The following TEAD2 variants were observed in gnomAD, a reference collection of about 807,000 sequenced individuals.
TEAD2 encodes the protein TEA domain transcription factor 2.
In TEAD2, 51 loss-of-function variants were observed where a neutral mutation model predicts 61.4. That is an observed-to-expected ratio of 0.83 (90% CI 0.66 to 1.05). The LOEUF (loss-of-function observed/expected upper bound fraction) is 1.05, where lower values mean the gene tolerates loss of function less well. Ranked by LOEUF, TEAD2 falls within the 50% of genes least tolerant of loss-of-function variation. TEAD2 has a pLI of 0.00. For synonymous variants in TEAD2, 244 were observed against 243.2 expected (o/e 1.00, Z -0.03); for missense variants, 509 against 600.0 (o/e 0.85, Z 1.58).
chr19:49,343,485 A>T (rs894875198), intron 10 of TEAD2, 87 bp from the exon 11 acceptor site: 24 of 1,451,274 alleles, frequency 1.7e-5, no homozygotes, highest in African/African-American at 4.3e-5. Flanking sequence ...CACACCTGTA[A>T]TCCCAGTACT....
chr19:49,346,165 C>CAA (rs10684078), intron 10 of TEAD2, among the ~76,000 whole-genome samples: 12 of 44,360 alleles, frequency 2.7e-4, no homozygotes, highest in Admixed American at 5.1e-4. Context: ...AATTCCATCT[C>CAA]AAAAAAAAAA....
In TEAD2 at chr19:49,348,831, G is replaced by T; in HGVS notation, c.619C>A (p.Gln207Lys). 1 of 1,572,366 alleles carries T rather than the reference G, an allele frequency of 6.4e-7. No individual in the cohort carries two copies. The highest frequency in any genetic ancestry group is 2.3e-5 in the East Asian group (1 of 44,114). ...GGTGGGGGCAGGGGTGAGAGGGCTT[G>T]GGGGGGCTCGTACCCTAGAGAGAGA... Reference protein sequence around the residue: ...STDLPGYEPPQALSPLPPPTP... With the variant: ...STDLPGYEPPKALSPLPPPTP... The change falls in exon 9 of 13, where the codon CAA (glutamine) becomes AAA (lysine). Residue 207 changes from glutamine (Q) to lysine (K), a missense_variant. Physicochemically the swap from Gln to Lys is moderately conservative, Grantham distance 53. Transcript: ENST00000593945.
chr19:49,358,416 A>C lies in TEAD2; in HGVS notation c.297+1019T>G, dbSNP rs570933560. On this transcript the variant is annotated intron_variant, in intron 3 of 12. Coordinates refer to ENST00000593945, the MANE Select transcript of TEAD2 (RefSeq NM_001256660.2). ...GGAGACACAGTGACTTTTCTCTCAAAAACAACAACAACAAAAAGATCTGGG... is the reference window on the plus strand; with the variant it reads ...GGAGACACAGTGACTTTTCTCTCAACAACAACAACAACAAAAAGATCTGGG... Among the ~76,000 whole-genome samples, 35 of 152,138 alleles carry C rather than the reference A, an allele frequency of 2.3e-4. No homozygotes were observed. In the East Asian group the frequency reaches 6.4e-3, roughly 28 times the overall value.
chr19:49,360,621 GGT>G lies in TEAD2; in HGVS notation c.-6-542_-6-541del, dbSNP rs1031688856. On this transcript the variant is annotated intron_variant, in intron 1 of 12. Coordinates refer to ENST00000593945, the MANE Select transcript of TEAD2 (RefSeq NM_001256660.2). ...GCAAAAGTTAGTGGTGGGGAAGGAA[GGT>G]GTGGGTGAAACTTCCCCTGTCCCAC... Among the ~76,000 whole-genome samples the G allele has an allele frequency of 3.4e-4, 51 of 152,154 alleles. 1 individual carries two copies. The East Asian group carries it at 9.7e-3, about 29-fold the overall frequency.
intron 1 of TEAD2, among the ~76,000 whole-genome samples, chr19:49,360,757 G>A (rs1227081777): frequency 9.0e-5 from 10 of 110,936 alleles, no homozygotes; most frequent in African/African-American, 1.7e-4. Flanking sequence ...AGAGAGGGAG[G>A]GGGACAGAGA....
chr19:49,349,882 A>C (rs1318124864), intron 8 of TEAD2, among the ~76,000 whole-genome samples: 1 of 152,222 alleles, frequency 6.6e-6, no homozygotes, highest in East Asian at 1.9e-4. Context: ...TTGGGACAAT[A>C]AGACAGACAT....
At position 49,359,037 on chromosome 19, in the gene TEAD2, G is replaced by A. The variant is rs568683034; in HGVS notation, c.297+398C>T. Among the ~76,000 whole-genome samples the A allele has an allele frequency of 3.3e-5, 5 of 151,764 alleles. No homozygotes were observed. The highest frequency in any genetic ancestry group is 4.2e-4 in the South Asian group (2 of 4,758). On this transcript the variant is annotated intron_variant, in intron 3 of 12. Transcript: ENST00000593945. This position sits in a 1 kb window ranked among gnomAD's most constrained non-coding sequence, Gnocchi z 4.1. ...GTGGATCACCTGAGGTCAGGAGTTC[G>A]AGACCAGCCTGGACAACATGGTGAA...
At position 49,343,650 on chromosome 19, in the gene TEAD2, A is replaced by G. The variant is rs532818028; in HGVS notation, c.922-252T>C. On this transcript the variant is annotated intron_variant, in intron 10 of 12. Transcript: ENST00000593945. ...GCTACTGGGACACTGACGCAGGAGA[A>G]TCACTTGAACCCGGGAGGCAGAGGT... 9.5e-4 allele frequency among the ~76,000 whole-genome samples: 144 copies of G among 151,828 alleles called. 2 individuals carry two copies. The highest frequency in any genetic ancestry group is 3.3e-3 in the African/African-American group (138 of 41,426).
At chr19:49,346,989 A>G (rs878979257) in intron 10 of TEAD2, among the ~76,000 whole-genome samples, 1 of 152,222 alleles carries the variant, frequency 6.6e-6, no homozygotes, top group Non-Finnish European at 1.5e-5. Flanking sequence ...AGGGAGGCCC[A>G]GACACCTCCA....
chr19:49,355,197 G>A lies in TEAD2; in HGVS notation c.490C>T (p.Leu164Phe). The A allele has an allele frequency of 6.2e-7, 1 of 1,613,034 alleles. No individual in the cohort carries two copies. Among genetic ancestry groups the A allele is most frequent in the Non-Finnish European group, 8.5e-7 (1 of 1,179,476 alleles). Reference sequence around the variant, plus strand: ...GATCCTCCAGACCAAAACTGGAAAAGCTCAGAGGCCTGGATAGGACACAAA... The same window carrying A: ...GATCCTCCAGACCAAAACTGGAAAAACTCAGAGGCCTGGATAGGACACAAA... The part of the protein sequence containing the change: ...LGPTGPQASE[L>F]FQFWSGGSGP... The change falls in exon 7 of 13, where the codon CTT becomes TTT. Residue 164 changes from leucine to phenylalanine, a missense_variant. Leu to Phe is a conservative substitution (Grantham distance 22). Coordinates refer to ENST00000593945, the MANE Select transcript of TEAD2 (RefSeq NM_001256660.2).
chr19:49,358,439 G>C (rs951617044), intron 3 of TEAD2, among the ~76,000 whole-genome samples: 1 of 151,866 alleles, frequency 6.6e-6, no homozygotes, highest in Non-Finnish European at 1.5e-5. Context: ...AAAAAGATCT[G>C]GGTGTTTAAA....
At chr19:49,351,848 T>C (rs914429678) in intron 7 of TEAD2, among the ~76,000 whole-genome samples, 2 of 151,562 alleles carry the variant, frequency 1.3e-5, no homozygotes, top group African/African-American at 2.4e-5. Context: ...TAGCAGAGTG[T>C]GGTGGTGCGC....
chr19:49,358,774 G>A (rs1443799516), intron 3 of TEAD2, among the ~76,000 whole-genome samples: 1 of 151,252 alleles, frequency 6.6e-6, no homozygotes, highest in African/African-American at 2.4e-5. Context: ...CTGGGATTAT[G>A]GGCACACACT....
rs186832262 is a variant in TEAD2 at position 49,354,953 on chromosome 19, G to C, written c.539+195C>G. Among the ~76,000 whole-genome samples, 43 of 152,252 alleles carry C rather than the reference G, an allele frequency of 2.8e-4. 1 individual carries two copies. The highest frequency in any genetic ancestry group is 1.0e-3 in the African/African-American group (43 of 41,546). On this transcript the variant is annotated intron_variant, in intron 7 of 12. Transcript: ENST00000593945. ...GCGGAGGTTGCAGTGAGCCGAGATC[G>C]CACCACTGTACTCCATCCAGCCTGG...
intron 4 of TEAD2, chr19:49,356,270 A>T: frequency 3.5e-6 from 1 of 289,136 alleles, no homozygotes; most frequent in Non-Finnish European, 6.4e-6. Context: ...AGACAAGGTA[A>T]ATGTTTCCTA....
chr19:49,349,095 C>G, intron 8 of TEAD2: 2 of 382,904 alleles, frequency 5.2e-6, no homozygotes, highest in Non-Finnish European at 9.2e-6. Context: ...GAGGAGAAAG[C>G]TTTTGGCCCT....
At chr19:49,343,856 G>T (rs753520010) in intron 10 of TEAD2, among the ~76,000 whole-genome samples, 39 of 95,318 alleles carry the variant, frequency 4.1e-4, no homozygotes, top group African/African-American at 9.1e-4. Flanking sequence ...CTTTTTTTTT[G>T]GGGGGGGGGG....
intron 7 of TEAD2, among the ~76,000 whole-genome samples, chr19:49,352,264 C>T (rs1160760142): frequency 4.6e-5 from 7 of 152,160 alleles, no homozygotes; most frequent in Non-Finnish European, 8.8e-5. Flanking sequence ...CCACAGACCA[C>T]GTGGCCACTG....
chr19:49,348,588 C>T (rs1240996069), intron 9 of TEAD2, 115 bp downstream of exon 9: 2 of 961,740 alleles, frequency 2.1e-6, no homozygotes, highest in African/African-American at 1.6e-5. Flanking sequence ...TTTAAGAAGC[C>T]CTTCAGATGA....
Sources: gnomAD v4.1 joint callset for allele counts (sites outside exome capture counted in the v4.1 genomes callset) on GRCh38, gnomAD v4.1.1 for gene constraint, Gnocchi (gnomAD v3.1) non-coding constraint, MANE v1.5 for transcripts, NCBI Gene and HGNC (gene_info 2026-07-23, HGNC 2026-07-21) for gene names.